ESD: variants seen among roughly 807,000 people sequenced by gnomAD.
ESD encodes S-formylglutathione hydrolase.
Under a neutral mutation model 38.1 loss-of-function variants are expected in ESD, and 34 were observed. The observed-to-expected ratio is 0.89, with a 90% CI of 0.68 to 1.19. The LOEUF (loss-of-function observed/expected upper bound fraction) is 1.19. Among genes scored for constraint, ESD ranks in the 50% most tolerant of loss-of-function variants. The pLI is 0.00. For synonymous variants in ESD, 97 were observed against 107.0 expected, an observed-to-expected ratio of 0.91 and a Z score of 0.58; for missense variants, 334 against 327.2, an observed-to-expected ratio of 1.02 and a Z score of -0.16.
intron 9 of ESD, among the ~76,000 whole-genome samples, chr13:46,775,065 T>A (rs1246554400): frequency 6.6e-6 from 1 of 151,736 alleles, no homozygotes; most frequent in Non-Finnish European, 1.5e-5. Context: ...GGTCACTAAA[T>A]TTTTTTTTCT....
rs183006170 is a variant in ESD, at chr13:46,791,342, T to G, written c.68+4A>C. 1 of 1,605,576 alleles carries G rather than the reference T, an allele frequency of 6.2e-7. No homozygotes were observed. The highest frequency in any genetic ancestry group is 8.5e-7 in the Non-Finnish European group (1 of 1,173,668). On this transcript the variant is annotated splice_donor_region_variant and intron_variant, in intron 3 of 9. Transcript: ENST00000378720. Reference sequence around the variant, plus strand: ...ATCTAAAATTATATCTTCTTAATAGTTACCTGTCATGTTCAAAAACTTTCT... The same window carrying G: ...ATCTAAAATTATATCTTCTTAATAGGTACCTGTCATGTTCAAAAACTTTCT...
At chr13:46,783,772 T>G (rs1405350194) in intron 5 of ESD, among the ~76,000 whole-genome samples, 1 of 151,932 alleles carries the variant, frequency 6.6e-6, no homozygotes, top group Non-Finnish European at 1.5e-5. Flanking sequence ...ATGCATTGAG[T>G]CTCACGTAGT....
chr13:46,781,418 T>A (rs1874995225), intron 7 of ESD, 78 bp downstream of exon 7: 1 of 1,342,582 alleles, frequency 7.4e-7, no homozygotes, highest in South Asian at 1.4e-5. Context: ...AACAATATTG[T>A]AATTTTACTC....
At chr13:46,779,725 A>G (rs566412695) in intron 8 of ESD, among the ~76,000 whole-genome samples, 49 of 146,000 alleles carry the variant, frequency 3.4e-4, no homozygotes, top group Non-Finnish European at 6.0e-5. Context: ...ATATATATAA[A>G]ATAATATATA....
At chr13:46,790,062 G>A (rs535881346) in intron 3 of ESD, among the ~76,000 whole-genome samples, 1 of 148,798 alleles carries the variant, frequency 6.7e-6, no homozygotes, top group Non-Finnish European at 1.5e-5. Context: ...GGTTGGTCTC[G>A]AACTCCTGAC....
intron 3 of ESD, among the ~76,000 whole-genome samples, chr13:46,787,700 A>G (rs1875243092): frequency 6.6e-6 from 1 of 151,998 alleles, no homozygotes; most frequent in Non-Finnish European, 1.5e-5. Context: ...ACTTCAGAGT[A>G]AACACCTATC....
chr13:46,796,719 C>G (rs1265697860), intron 1 of ESD, among the ~76,000 whole-genome samples: 2 of 152,246 alleles, frequency 1.3e-5, no homozygotes, highest in East Asian at 1.9e-4. Context: ...GCTAGTAACG[C>G]GTTGAGGCCA....
intron 4 of ESD, chr13:46,785,731 T>G (rs376691514): frequency 1.2e-4 from 19 of 152,122 alleles, no homozygotes; most frequent in South Asian, 6.2e-4. Flanking sequence ...TGTCATTTGA[T>G]GTAAACAAAC....
At chr13:46,782,603 C>T in intron 6 of ESD, 64 bp downstream of exon 6, 2 of 1,562,004 alleles carry the variant, frequency 1.3e-6, no homozygotes, top group Non-Finnish European at 1.7e-6. Flanking sequence ...ATTGTAAGGA[C>T]TTTGTGTTCA....
rs1874786443 is a variant in ESD at position 46,776,022 on chromosome 13, A to G, written c.768+1434T>C. On this transcript the variant is annotated intron_variant, in intron 9 of 9. Transcript: ENST00000378720. ...TGGGGAAGCAAATGAGGTATCCAAC[A>G]TGGGTAGTGCCAAGAAATTAAGGTC... 5.6e-5 allele frequency: 11 copies of G among 197,428 alleles called. No homozygotes were observed. In the South Asian group the frequency reaches 9.8e-4, roughly 18 times the overall value. 12.2% of individuals were successfully genotyped at this position (197,428 alleles called of 1,614,324 possible).
chr13:46,787,457 AT>A (rs1875234186), intron 3 of ESD, among the ~76,000 whole-genome samples: 1 of 152,032 alleles, frequency 6.6e-6, no homozygotes, highest in Non-Finnish European at 1.5e-5. Flanking sequence ...ATCATCTTTC[AT>A]AAAAAAATGA....
intron 1 of ESD, among the ~76,000 whole-genome samples, chr13:46,794,245 A>AC (rs768586533): frequency 3.3e-5 from 5 of 152,348 alleles, no homozygotes; most frequent in Non-Finnish European, 5.9e-5. Context: ...CCCAAATGTT[A>AC]GTGAACATCA....
intron 1 of ESD, 52 bp from the exon 2 acceptor site, chr13:46,793,496 G>A (rs1875466287): frequency 6.6e-6 from 1 of 152,498 alleles, no homozygotes; most frequent in Non-Finnish European, 1.5e-5. Context: ...CACAGCAAAG[G>A]TTATACAGAG....
intron 2 of ESD, among the ~76,000 whole-genome samples, chr13:46,791,794 G>C (rs1209501307): frequency 6.6e-6 from 1 of 152,000 alleles, no homozygotes; most frequent in African/African-American, 2.4e-5. Context: ...CTGCAACAAA[G>C]TAGTCAAGGA....
chr13:46,794,873 C>G (rs1235332274), intron 1 of ESD, among the ~76,000 whole-genome samples: 1 of 152,156 alleles, frequency 6.6e-6, no homozygotes, highest in African/African-American at 2.4e-5. Flanking sequence ...TTTCTTCACA[C>G]TCTTTCCCTA....
intron 9 of ESD, chr13:46,775,429 T>C (rs1874759036): frequency 3.7e-6 from 1 of 268,518 alleles, no homozygotes; most frequent in African/African-American, 2.2e-5. Flanking sequence ...TTTATTTATA[T>C]ATATCCCCTA....
chr13:46,781,729 G>A, intron 6 of ESD, 114 bp from the exon 7 acceptor site: 2 of 916,232 alleles, frequency 2.2e-6, no homozygotes, highest in Non-Finnish European at 3.4e-6. Flanking sequence ...TCTTACAATG[G>A]TTTGAACTAG....
Position 46,796,628 on chromosome 13 carries a change from C to G in ESD, c.-56+477G>C, listed in dbSNP as rs372739786. Among the ~76,000 whole-genome samples, 17 of 152,338 alleles carry G rather than the reference C, an allele frequency of 1.1e-4. No homozygotes were observed. The East Asian group carries it at 3.3e-3, about 29-fold the overall frequency. ...GGCACCATCAGGTGAGTGCTCCTGA[C>G]CGCGCCATTGGCTCGTGCCCCGACG... On this transcript the variant is annotated intron_variant, in intron 1 of 9. Coordinates refer to ENST00000378720, the MANE Select transcript of ESD (RefSeq NM_001984.2).
intron 5 of ESD, 34 bp from the exon 6 acceptor site, chr13:46,782,825 C>T (rs553184353): frequency 1.2e-6 from 2 of 1,608,624 alleles, no homozygotes; most frequent in Non-Finnish European, 1.7e-6. Context: ...TTCATCTGCT[C>T]TGTAGTAATG....
Sources: gnomAD v4.1 joint callset for allele counts (sites outside exome capture counted in the v4.1 genomes callset) on GRCh38, gnomAD v4.1.1 for gene constraint, MANE v1.5 for transcripts, NCBI Gene and HGNC (gene_info 2026-07-23, HGNC 2026-07-21) for gene names.